PMEPA1: variants seen among roughly 807,000 people sequenced by gnomAD.
PMEPA1 encodes protein TMEPAI.
In PMEPA1, 11 loss-of-function variants were observed where a neutral mutation model predicts 23.0. That is an observed-to-expected ratio of 0.48 (90% CI 0.30 to 0.79). The LOEUF is 0.79. Among genes scored for constraint, PMEPA1 ranks in the 30% least tolerant of loss-of-function variants. PMEPA1 has a pLI of 0.06. For synonymous variants in PMEPA1, 204 were observed against 166.4 expected, an observed-to-expected ratio of 1.23 and a Z score of -1.74; for missense variants, 377 against 390.9, an observed-to-expected ratio of 0.96 and a Z score of 0.30.
rs1319471658 is a variant in PMEPA1, at chr20:57,683,151, C to T, written c.110-23454G>A. ...TAGAGGCTGCTCACGTTAGAGGGCA[C>T]GGATATCCCCCACTGCTTTTTAAAA... On this transcript the variant is annotated intron_variant, in intron 1 of 3. Coordinates refer to ENST00000341744, the MANE Select transcript of PMEPA1 (RefSeq NM_020182.5). This position sits in a 1 kb window ranked among gnomAD's most constrained non-coding sequence, Gnocchi z 4.3. 4.6e-5 allele frequency among the ~76,000 whole-genome samples: 7 copies of T among 152,144 alleles called. No homozygotes were observed. Among genetic ancestry groups the T allele is most frequent in the Non-Finnish European group, 7.3e-5 (5 of 68,040 alleles).
rs567038004 is a variant in PMEPA1, at chr20:57,709,547, G to C, written c.36C>G (p.Ala12=). ...AGACATTGGGCTGCCCGGCGGCGGC[G>C]GCGGCGGTGCTGTTGACCCCCATCA... The part of the protein sequence containing the change: ...HRLMGVNSTA[A]AAAGQPNVSC... The change falls in exon 1 of 4, where the codon GCC becomes GCG. Residue 12 remains alanine (A), a synonymous_variant. Transcript: ENST00000341744. 4.4e-5 allele frequency: 49 copies of C among 1,106,424 alleles called. No homozygotes were observed. Among genetic ancestry groups the C allele is most frequent in the Non-Finnish European group, 5.2e-5 (46 of 889,064 alleles). 68.5% of individuals were successfully genotyped at this position (1,106,424 alleles called of 1,614,324 possible).
intron 1 of PMEPA1, among the ~76,000 whole-genome samples, chr20:57,680,803 T>G (rs1025610878): frequency 3.3e-5 from 5 of 152,226 alleles, no homozygotes; most frequent in Non-Finnish European, 7.3e-5. Context: ...GCAACCACCT[T>G]GATCACCGAT....
At chr20:57,697,221 G>A (rs2146705456) in intron 1 of PMEPA1, among the ~76,000 whole-genome samples, 1 of 152,310 alleles carries the variant, frequency 6.6e-6, no homozygotes, top group East Asian at 1.9e-4. Flanking sequence ...ACAACTTCCA[G>A]TTTTCCCCAT....
At chr20:57,684,735 T>C (rs1237461377) in intron 1 of PMEPA1, among the ~76,000 whole-genome samples, 1 of 152,074 alleles carries the variant, frequency 6.6e-6, no homozygotes, top group Non-Finnish European at 1.5e-5. Context: ...GATATTTTCA[T>C]CCTTAAGAAG....
chr20:57,685,836 T>C (rs2071794105), intron 1 of PMEPA1, among the ~76,000 whole-genome samples: 2 of 152,174 alleles, frequency 1.3e-5, no homozygotes, highest in Admixed American at 1.3e-4. Context: ...TGAAAATGCA[T>C]GGGGGAGAAC....
chr20:57,695,523 G>A (rs1236964449), intron 1 of PMEPA1, among the ~76,000 whole-genome samples: 4 of 152,226 alleles, frequency 2.6e-5, no homozygotes, highest in Non-Finnish European at 2.9e-5. Flanking sequence ...GGCCTGGCCC[G>A]GCGCAGCGGC....
At chr20:57,680,165 G>A (rs1002882803) in intron 1 of PMEPA1, among the ~76,000 whole-genome samples, 3 of 152,252 alleles carry the variant, frequency 2.0e-5, no homozygotes, top group Non-Finnish European at 4.4e-5. Context: ...ACACACCAGC[G>A]GGGAGAGCTG....
At position 57,662,312 on chromosome 20, in the gene PMEPA1, C is replaced by T. The variant is rs369611351; in HGVS notation, c.110-2615G>A. On this transcript the variant is annotated intron_variant, in intron 1 of 3. Coordinates refer to ENST00000341744, the MANE Select transcript of PMEPA1 (RefSeq NM_020182.5). ...GCTGTGGGCTGAGCACACCTAAGAA[C>T]GGGCGTTTTTATTATCATCCCCATT... 1.9e-4 allele frequency among the ~76,000 whole-genome samples: 29 copies of T among 152,318 alleles called. 1 individual carries two copies. Among genetic ancestry groups the T allele is most frequent in the East Asian group, 1.2e-3 (6 of 5,188 alleles).
At chr20:57,689,330 T>G (rs2071845165) in intron 1 of PMEPA1, among the ~76,000 whole-genome samples, 1 of 151,978 alleles carries the variant, frequency 6.6e-6, no homozygotes, top group Non-Finnish European at 1.5e-5. Context: ...GGAGCATGAG[T>G]GTCTAGACCG....
At chr20:57,706,877 C>A (rs944550524) in intron 1 of PMEPA1, among the ~76,000 whole-genome samples, 2 of 152,146 alleles carry the variant, frequency 1.3e-5, no homozygotes, top group Non-Finnish European at 2.9e-5. Flanking sequence ...GAAGACCACA[C>A]AGGGGAACCA....
At chr20:57,668,772 T>C (rs1274240286) in intron 1 of PMEPA1, among the ~76,000 whole-genome samples, 2 of 152,248 alleles carry the variant, frequency 1.3e-5, no homozygotes, top group African/African-American at 4.8e-5. Context: ...TTCTGTTCTA[T>C]AAAAGCACCA....
intron 1 of PMEPA1, among the ~76,000 whole-genome samples, chr20:57,707,956 G>A (rs1421710022): frequency 2.6e-5 from 4 of 152,266 alleles, no homozygotes; most frequent in Non-Finnish European, 5.9e-5. Flanking sequence ...CTGGCTCTGG[G>A]CAGGTCCTCC....
chr20:57,657,580 C>T (rs1452081075), intron 2 of PMEPA1, among the ~76,000 whole-genome samples: 1 of 152,236 alleles, frequency 6.6e-6, no homozygotes, highest in Non-Finnish European at 1.5e-5. Flanking sequence ...GCCCTCCGGA[C>T]AGCGTGCTGG....
At chr20:57,694,398 G>A (rs1212551875) in intron 1 of PMEPA1, among the ~76,000 whole-genome samples, 3 of 152,162 alleles carry the variant, frequency 2.0e-5, no homozygotes, top group Non-Finnish European at 4.4e-5. Flanking sequence ...TAATACTCAC[G>A]AAATCGACAA....
chr20:57,680,201 G>A (rs2071693693), intron 1 of PMEPA1, among the ~76,000 whole-genome samples: 1 of 152,248 alleles, frequency 6.6e-6, no homozygotes, highest in Non-Finnish European at 1.5e-5. Context: ...TAGCTGGGTT[G>A]TGCTAAGAGC....
chr20:57,708,648 G>A (rs2072120233), intron 1 of PMEPA1, among the ~76,000 whole-genome samples: 2 of 152,160 alleles, frequency 1.3e-5, no homozygotes, highest in African/African-American at 4.8e-5. Context: ...TGTCCAGACA[G>A]AGGCTATTTA....
chr20:57,681,420 T>C (rs546229453), intron 1 of PMEPA1, among the ~76,000 whole-genome samples: 6 of 152,170 alleles, frequency 3.9e-5, no homozygotes, highest in Non-Finnish European at 7.4e-5. Context: ...GTCCCACTTC[T>C]GCCATCTGCG....
chr20:57,686,816 C>T (rs1423321634), intron 1 of PMEPA1, among the ~76,000 whole-genome samples: 10 of 152,352 alleles, frequency 6.6e-5, no homozygotes, highest in Non-Finnish European at 2.9e-5. Context: ...CCGCAGTGAA[C>T]ACCCCACAAA....
intron 1 of PMEPA1, among the ~76,000 whole-genome samples, chr20:57,674,151 A>C (rs1423231178): frequency 6.6e-6 from 1 of 152,196 alleles, no homozygotes; most frequent in African/African-American, 2.4e-5. Context: ...GGCTGCATGT[A>C]AAGACGGAGC....
Sources: gnomAD v4.1 joint callset for allele counts (sites outside exome capture counted in the v4.1 genomes callset) on GRCh38, gnomAD v4.1.1 for gene constraint, Gnocchi (gnomAD v3.1) non-coding constraint, MANE v1.5 for transcripts, NCBI Gene and HGNC (gene_info 2026-07-23, HGNC 2026-07-21) for gene names.